The following HEXD variants were observed in gnomAD, a reference collection of about 807,000 sequenced individuals.
The protein encoded by HEXD is hexosaminidase D, also known as N-acetyl-beta-galactosaminidase.
HEXD carries 47 observed loss-of-function variants against 54.2 expected under a neutral mutation model. The observed-to-expected ratio is 0.87, with a 90% CI of 0.69 to 1.11. The LOEUF is 1.11. HEXD is among the 50% of genes least tolerant of loss of function. The pLI is 0.00. For missense variants in HEXD, 576 were observed against 649.2 expected, an observed-to-expected ratio of 0.89 and a Z score of 1.23; for synonymous variants, 293 against 287.6, an observed-to-expected ratio of 1.02 and a Z score of -0.19.
intron 4 of HEXD, among the ~76,000 whole-genome samples, chr17:82,433,128 A>ATATT (rs71168109): frequency 6.1e-4 from 8 of 13,068 alleles, no homozygotes; most frequent in Admixed American, 1.5e-3. Flanking sequence ...ATATATATAT[A>ATATT]TTTTTTTTTT....
At chr17:82,435,093 C>T (rs1010483709) in intron 5 of HEXD, among the ~76,000 whole-genome samples, 6 of 151,642 alleles carry the variant, frequency 4.0e-5, no homozygotes, top group African/African-American at 1.5e-4. Context: ...TGCAGTGAGC[C>T]GAGATTGAGA....
chr17:82,440,332 C>A (rs2053896444), intron 9 of HEXD: 2 of 1,239,538 alleles, frequency 1.6e-6, no homozygotes, highest in African/African-American at 1.6e-5. Context: ...GGGGACGCGG[C>A]CGGTGAGAGG....
Position 82,419,861 on chromosome 17 carries a change from C to T in HEXD, c.62C>T (p.Pro21Leu). 6.2e-7 allele frequency: 1 copy of T among 1,610,026 alleles called. No homozygotes were observed. Among genetic ancestry groups the T allele is most frequent in the East Asian group, 2.2e-5 (1 of 44,846 alleles). Residue 21 changes from proline (P) to leucine (L), a missense_variant, in exon 2 of 13, where the codon CCA (proline) becomes CTA (leucine). Transcript: ENST00000327949. ...CATTTAGACCTTAAAGGAGCTCCAC[C>T]AAAGGTCTCGTACCTCTCAGAGGTA... ...LVHLDLKGAP[P>L]KVSYLSEIFP... is the part of the protein sequence containing the mutation.
intron 2 of HEXD, 113 bp downstream of exon 2, chr17:82,419,996 C>T (rs940015057): frequency 3.7e-5 from 18 of 487,042 alleles, no homozygotes; most frequent in African/African-American, 6.0e-5. Context: ...ACAAGGTTCT[C>T]GGTGGAGCAA....
Position 82,436,661 on chromosome 17 carries a change from C to A in HEXD, c.632-6C>A. ...CTCACCAACCTCACGTCCGCTCTGTCTGCAGCGTCCGGGGTGCCGCAGCTG... is the reference window on the plus strand; with the variant it reads ...CTCACCAACCTCACGTCCGCTCTGTATGCAGCGTCCGGGGTGCCGCAGCTG... On this transcript the variant is annotated splice_polypyrimidine_tract_variant and splice_region_variant and intron_variant, in intron 6 of 12. Coordinates refer to ENST00000327949, the MANE Select transcript of HEXD (RefSeq NM_001330542.2). 1 of 1,608,078 alleles carries A rather than the reference C, an allele frequency of 6.2e-7. No individual in the cohort carries two copies. Among genetic ancestry groups the A allele is most frequent in the South Asian group, 1.1e-5 (1 of 90,250 alleles).
At chr17:82,426,892 T>A (rs1245118595) in intron 3 of HEXD, 2 of 152,190 alleles carry the variant, frequency 1.3e-5, no homozygotes, top group Admixed American at 6.5e-5. Context: ...TCCCAGCACT[T>A]TGGGAGGCCG....
chr17:82,429,249 G>C (rs2053508253), intron 4 of HEXD, among the ~76,000 whole-genome samples: 1 of 152,064 alleles, frequency 6.6e-6, no homozygotes, highest in African/African-American at 2.4e-5. Flanking sequence ...GACAGAGCAA[G>C]ACTCCGTCTC....
Position 82,442,098 on chromosome 17 carries a change from C to A in HEXD, c.1254-79C>A. 5 of 1,509,194 alleles carry A rather than the reference C, an allele frequency of 3.3e-6. No homozygotes were observed. Among genetic ancestry groups the A allele is most frequent in the Non-Finnish European group, 4.5e-6 (5 of 1,114,432 alleles). 93.5% of individuals were successfully genotyped at this position (1,509,194 alleles called of 1,614,324 possible). On this transcript the variant is annotated intron_variant, in intron 12 of 12. Transcript: ENST00000327949. This position sits in a 1 kb window ranked among gnomAD's most constrained non-coding sequence, Gnocchi z 6.8. ...GCCCCATTTCACAGGTGAACTGAGG[C>A]ACAGGGCAGTACTGACCATGGGGCT...
intron 9 of HEXD, 134 bp from the exon 10 acceptor site, chr17:82,440,863 C>T (rs966704819): frequency 1.3e-5 from 13 of 968,422 alleles, no homozygotes; most frequent in African/African-American, 8.3e-5. Context: ...CCGGCACACG[C>T]GGGGCTGGGC....
At chr17:82,433,144 T>TA (rs1491542666) in intron 4 of HEXD, among the ~76,000 whole-genome samples, 1 of 69,874 alleles carries the variant, frequency 1.4e-5, no homozygotes, top group African/African-American at 7.2e-5. Flanking sequence ...TTTTTTTTTT[T>TA]ATATATATAT....
intron 2 of HEXD, among the ~76,000 whole-genome samples, chr17:82,423,861 AG>A (rs984567552): frequency 1.5e-4 from 22 of 151,622 alleles, no homozygotes; most frequent in African/African-American, 5.3e-4. Context: ...GAGGAGAATA[AG>A]GGGGAAGGGA....
At chr17:82,430,599 A>G (rs1445181279) in intron 4 of HEXD, among the ~76,000 whole-genome samples, 1 of 152,126 alleles carries the variant, frequency 6.6e-6, no homozygotes, top group Non-Finnish European at 1.5e-5. Context: ...ATGTTGGCCA[A>G]GCTAGTCTCA....
intron 2 of HEXD, among the ~76,000 whole-genome samples, chr17:82,421,809 G>T (rs1311076698): frequency 6.6e-6 from 1 of 151,688 alleles, no homozygotes; most frequent in Non-Finnish European, 1.5e-5. Context: ...CAAGGTGACA[G>T]AGCAAGACAC....
At chr17:82,422,480 G>C (rs2053264384) in intron 2 of HEXD, among the ~76,000 whole-genome samples, 1 of 143,580 alleles carries the variant, frequency 7.0e-6, no homozygotes, top group African/African-American at 2.7e-5. Context: ...CTGGGCGATA[G>C]AGCAAGACTC....
intron 4 of HEXD, among the ~76,000 whole-genome samples, chr17:82,433,122 ATATATATT>A (rs2053649946): frequency 1.1e-4 from 2 of 17,434 alleles, no homozygotes; most frequent in Admixed American, 1.0e-3. Context: ...ATATATATAT[ATATATATT>A]TTTTTTTTTT....
intron 3 of HEXD, 118 bp downstream of exon 3, chr17:82,424,621 T>C: frequency 1.6e-6 from 1 of 641,256 alleles, no homozygotes; most frequent in Middle Eastern, 2.6e-4. Flanking sequence ...AACTGAACAG[T>C]GGTGGGTACA....
At position 82,441,126 on chromosome 17, in the gene HEXD, G is replaced by A. The variant is rs201878766; in HGVS notation, c.1062-39G>A. The A allele has an allele frequency of 8.9e-4, 1,439 of 1,613,394 alleles. 6 individuals are homozygous for A. The African/African-American group carries it at 0.011, about 12-fold the overall frequency. On this transcript the variant is annotated intron_variant, in intron 10 of 12. Coordinates refer to ENST00000327949, the MANE Select transcript of HEXD (RefSeq NM_001330542.2). The stretch of plus-strand genomic sequence containing the variant: ...CCCCTTCTTCCCCTCCCCTTCCCCC[G>A]CCCGTGGAGACAGCTGTTCTCAGCA...
Position 82,439,715 on chromosome 17 carries a change from T to A in HEXD, c.982+2T>A. ...CCTGCCTGCAGTTGCTTCTACGCGG[T>A]ATGTCTGGTCTGGCCACCCCAAGCC... On this transcript the variant is annotated splice_donor_variant, in intron 9 of 12. Coordinates refer to ENST00000327949, the MANE Select transcript of HEXD (RefSeq NM_001330542.2). LOFTEE classifies it high-confidence loss of function. 6 of 1,599,704 alleles carry A rather than the reference T, an allele frequency of 3.8e-6. No homozygotes were observed. Among genetic ancestry groups the A allele is most frequent in the Non-Finnish European group, 5.1e-6 (6 of 1,179,582 alleles).
At chr17:82,433,324 C>T (rs894970885) in intron 4 of HEXD, among the ~76,000 whole-genome samples, 12 of 150,256 alleles carry the variant, frequency 8.0e-5, no homozygotes, top group African/African-American at 2.7e-4. Flanking sequence ...TGCCTGTAAT[C>T]CCCAGCTACT....
Sources: gnomAD v4.1 joint callset for allele counts (sites outside exome capture counted in the v4.1 genomes callset) on GRCh38, gnomAD v4.1.1 for gene constraint, Gnocchi (gnomAD v3.1) non-coding constraint, MANE v1.5 for transcripts, NCBI Gene and HGNC (gene_info 2026-07-23, HGNC 2026-07-21) for gene names.